UBE2D4: variants seen among roughly 807,000 people sequenced by gnomAD.
The protein encoded by UBE2D4 is ubiquitin conjugating enzyme E2 D4, also known as ubiquitin-conjugating enzyme E2 D4.
In UBE2D4, 17 loss-of-function variants were observed where a neutral mutation model predicts 23.0. That is an observed-to-expected ratio of 0.74 (90% confidence interval 0.51 to 1.11). UBE2D4 has a LOEUF of 1.11. UBE2D4 is among the 50% of genes least tolerant of loss of function. The pLI is 0.00. For synonymous variants in UBE2D4, 61 were observed against 69.4 expected (o/e 0.88, Z 0.60); for missense variants, 139 against 181.8 (o/e 0.76, Z 1.35).
intron 4 of UBE2D4, 57 bp downstream of exon 4, chr7:43,943,088 G>A: frequency 1.9e-6 from 3 of 1,564,508 alleles, no homozygotes; most frequent in Non-Finnish European, 2.6e-6. Flanking sequence ...ATGTGACAAG[G>A]GGCCCTTCAA....
chr7:43,942,681 T>C, intron 2 of UBE2D4, 145 bp from the exon 3 acceptor site: 1 of 1,175,426 alleles, frequency 8.5e-7, no homozygotes, highest in East Asian at 2.3e-5. Context: ...TCTTGGGTGG[T>C]TTGGGGAACC....
intron 1 of UBE2D4, 43 bp downstream of exon 1, chr7:43,926,599 G>A (rs2095931267): frequency 5.8e-6 from 9 of 1,541,272 alleles, no homozygotes; most frequent in Non-Finnish European, 7.9e-6. Context: ...TGTCCGAAGC[G>A]TCGAGGTGTG....
At chr7:43,933,448 A>G (rs954448952) in intron 1 of UBE2D4, among the ~76,000 whole-genome samples, 4 of 152,134 alleles carry the variant, frequency 2.6e-5, no homozygotes, top group Admixed American at 2.6e-4. Flanking sequence ...TTGTTCTTTA[A>G]AGAAACTTGG....
intron 1 of UBE2D4, among the ~76,000 whole-genome samples, chr7:43,928,419 C>CT: frequency 8.3e-6 from 1 of 120,686 alleles, no homozygotes; most frequent in African/African-American, 2.9e-5. Context: ...GAGAGTATGA[C>CT]TCTTTTTTTT....
At chr7:43,942,730 T>C in intron 2 of UBE2D4, 96 bp from the exon 3 acceptor site, 2 of 1,557,036 alleles carry the variant, frequency 1.3e-6, no homozygotes, top group Non-Finnish European at 1.8e-6. Context: ...GTGCATCTTG[T>C]GTAGACAGTG....
At chr7:43,952,367 A>AG (rs2096004696) in intron 6 of UBE2D4, 1 of 344,266 alleles carries the variant, frequency 2.9e-6, no homozygotes, top group Non-Finnish European at 5.5e-6. Context: ...GGAGAAAGAA[A>AG]GGGAGGAAGT....
chr7:43,943,164 T>C, intron 4 of UBE2D4, 133 bp downstream of exon 4: 1 of 863,318 alleles, frequency 1.2e-6, no homozygotes, highest in Admixed American at 2.1e-5. Flanking sequence ...CACCCTGTGG[T>C]GAGAGTTTCC....
chr7:43,931,626 G>T (rs1472539271), intron 1 of UBE2D4, among the ~76,000 whole-genome samples: 1 of 141,764 alleles, frequency 7.1e-6, no homozygotes, highest in Admixed American at 7.0e-5. Context: ...GGCGGGGGGG[G>T]TGGCAGAGCA....
intron 4 of UBE2D4, 200 bp downstream of exon 4, chr7:43,943,231 G>A (rs1234629037): frequency 1.6e-6 from 1 of 615,818 alleles, no homozygotes; most frequent in Non-Finnish European, 2.9e-6. Flanking sequence ...AAGGGTCAGT[G>A]GGGTGAGCTG....
chr7:43,932,113 C>T (rs2095947144), intron 1 of UBE2D4, among the ~76,000 whole-genome samples: 1 of 152,128 alleles, frequency 6.6e-6, no homozygotes, highest in East Asian at 1.9e-4. Flanking sequence ...CTCAACCTCC[C>T]TGAGTAGCTG....
chr7:43,932,029 C>T (rs1199787914), intron 1 of UBE2D4, among the ~76,000 whole-genome samples: 3 of 150,022 alleles, frequency 2.0e-5, no homozygotes, highest in African/African-American at 4.9e-5. Flanking sequence ...TGCTCTGTCG[C>T]CCAGGCTGGA....
chr7:43,949,147 C>T lies in UBE2D4; in HGVS notation c.304+410C>T, dbSNP rs1433165461. The T allele has an allele frequency of 7.6e-5, 20 of 261,836 alleles. No homozygotes were observed. In the Admixed American group the frequency reaches 9.4e-4, roughly 12 times the overall value. The allele number at this position is 261,836 out of a possible 1,614,324, so 16.2% of individuals were successfully genotyped here. ...ATACAGGGCATGCCTCCGGGGGCCTCGAAGTTGGTGGAGAAATCCTCCCTT... is the reference window on the plus strand; with the variant it reads ...ATACAGGGCATGCCTCCGGGGGCCTTGAAGTTGGTGGAGAAATCCTCCCTT... On this transcript the variant is annotated intron_variant, in intron 5 of 6. Coordinates refer to ENST00000222402, the MANE Select transcript of UBE2D4 (RefSeq NM_015983.4).
intron 1 of UBE2D4, among the ~76,000 whole-genome samples, chr7:43,928,469 G>C (rs1042465948): frequency 6.7e-6 from 1 of 150,256 alleles, no homozygotes; most frequent in Non-Finnish European, 1.5e-5. Flanking sequence ...AGATAATTCT[G>C]ATGAGTTATT....
chr7:43,936,781 C>T (rs1424469530), intron 1 of UBE2D4, among the ~76,000 whole-genome samples: 1 of 152,176 alleles, frequency 6.6e-6, no homozygotes, highest in East Asian at 1.9e-4. Context: ...TGTAGCCACA[C>T]AATAGTACCG....
At chr7:43,942,886 C>T in intron 3 of UBE2D4, 29 bp downstream of exon 3, 4 of 1,614,164 alleles carry the variant, frequency 2.5e-6, no homozygotes, top group East Asian at 2.2e-5. Context: ...GCGCACCACT[C>T]CAGTTTTGCT....
chr7:43,955,485 G>T lies in UBE2D4; in HGVS notation c.*2790G>T, dbSNP rs977167829. ...AACATGGCAAAGAGTCAAAATCTTA[G>T]GACAAGGAATTAAAATGCCAGAATG... On this transcript the variant is annotated 3_prime_UTR_variant, in exon 7 of 7. Transcript: ENST00000222402. 1 of 152,140 alleles carries T rather than the reference G, an allele frequency of 6.6e-6. No homozygotes were observed. The highest frequency in any genetic ancestry group is 2.4e-5 in the African/African-American group (1 of 41,422). 9.4% of individuals were successfully genotyped at this position (152,140 alleles called of 1,614,324 possible).
intron 1 of UBE2D4, among the ~76,000 whole-genome samples, chr7:43,932,202 G>A (rs2095947381): frequency 1.3e-5 from 2 of 150,660 alleles, no homozygotes; most frequent in African/African-American, 4.9e-5. Flanking sequence ...TGTTAGCCAG[G>A]ATGGTCTCGA....
chr7:43,937,826 C>T (rs971274797), intron 1 of UBE2D4, among the ~76,000 whole-genome samples: 1 of 150,632 alleles, frequency 6.6e-6, no homozygotes, highest in African/African-American at 2.4e-5. Context: ...GGTATAATCC[C>T]TGATCCCCAC....
At chr7:43,951,154 GGCTCA>G (rs543309969) in intron 6 of UBE2D4, among the ~76,000 whole-genome samples, 1 of 152,366 alleles carries the variant, frequency 6.6e-6, no homozygotes, top group Admixed American at 6.5e-5. Context: ...TCAGTTCGCT[GGCTCA>G]GCTCAGAAGT....
Sources: gnomAD v4.1 joint callset for allele counts (sites outside exome capture counted in the v4.1 genomes callset) on GRCh38, gnomAD v4.1.1 for gene constraint, MANE v1.5 for transcripts, NCBI Gene and HGNC (gene_info 2026-07-23, HGNC 2026-07-21) for gene names.